Variants in ZMAT4 observed in about 807,000 individuals in gnomAD.
ZMAT4 encodes the protein zinc finger matrin-type protein 4.
ZMAT4 carries 17 observed loss-of-function variants against 28.7 expected under a neutral mutation model. That is an observed-to-expected ratio of 0.59 (90% CI 0.41 to 0.89). The LOEUF is 0.89. ZMAT4 is among the 40% of genes least tolerant of loss of function. ZMAT4 has a pLI of 0.00. For synonymous variants in ZMAT4, 117 were observed against 109.2 expected (o/e 1.07, Z -0.44); for missense variants, 240 against 283.8 (o/e 0.85, Z 1.11).
intron 5 of ZMAT4, among the ~76,000 whole-genome samples, chr8:40,639,625 AACACACACAC>A (rs60100252): frequency 1.3e-5 from 2 of 149,856 alleles, no homozygotes. Context: ...AGAAGGCAAG[AACACACACAC>A]ACACACACAC....
At chr8:40,776,506 G>T (rs1460473067) in intron 2 of ZMAT4, among the ~76,000 whole-genome samples, 1 of 152,162 alleles carries the variant, frequency 6.6e-6, no homozygotes, top group East Asian at 1.9e-4. Flanking sequence ...ACAGTTTTCT[G>T]TGGTGTTCAG....
At chr8:40,758,891 T>C (rs1283835856) in intron 3 of ZMAT4, among the ~76,000 whole-genome samples, 2 of 152,040 alleles carry the variant, frequency 1.3e-5, no homozygotes, top group African/African-American at 2.4e-5. Context: ...AAACAGAGAA[T>C]CAGTAATGCT....
intron 6 of ZMAT4, among the ~76,000 whole-genome samples, chr8:40,542,337 AAGC>A (rs1803062680): frequency 6.6e-6 from 1 of 152,040 alleles, no homozygotes; most frequent in South Asian, 2.1e-4. Flanking sequence ...GCGGTAGAAA[AAGC>A]AGTAATATGA....
At chr8:40,613,185 T>TC (rs1208977472) in intron 5 of ZMAT4, among the ~76,000 whole-genome samples, 2 of 134,688 alleles carry the variant, frequency 1.5e-5, no homozygotes, top group Non-Finnish European at 3.2e-5. Flanking sequence ...TCTTTCTTTT[T>TC]TTTTTTTTTT....
intron 6 of ZMAT4, among the ~76,000 whole-genome samples, chr8:40,546,840 T>C (rs1431916992): frequency 2.0e-5 from 3 of 152,116 alleles, no homozygotes; most frequent in Admixed American, 2.0e-4. Flanking sequence ...CTGCGATGGA[T>C]TGTGGCTCCT....
intron 6 of ZMAT4, among the ~76,000 whole-genome samples, chr8:40,541,980 C>T (rs1232262699): frequency 2.0e-5 from 3 of 152,132 alleles, no homozygotes; most frequent in Non-Finnish European, 4.4e-5. Context: ...CAAAGCTGGC[C>T]CTCGGGCAGA....
chr8:40,684,561 C>T (rs1201549534), intron 4 of ZMAT4, among the ~76,000 whole-genome samples: 19 of 152,190 alleles, frequency 1.2e-4, no homozygotes, highest in Admixed American at 1.2e-3. Context: ...CCAGTCTTCC[C>T]CAGACACCTA....
intron 3 of ZMAT4, among the ~76,000 whole-genome samples, chr8:40,729,847 T>G (rs1412784467): frequency 2.0e-5 from 3 of 152,212 alleles, no homozygotes; most frequent in African/African-American, 7.2e-5. Context: ...TCCGCCTGCC[T>G]TGGCCTCCCA....
At chr8:40,771,084 C>A (rs1446499694) in intron 2 of ZMAT4, among the ~76,000 whole-genome samples, 1 of 152,012 alleles carries the variant, frequency 6.6e-6, no homozygotes, top group Non-Finnish European at 1.5e-5. Flanking sequence ...GCAGATTTAA[C>A]AACAGAAGGC....
chr8:40,865,963 C>T (rs1817665154), intron 1 of ZMAT4, among the ~76,000 whole-genome samples: 1 of 152,236 alleles, frequency 6.6e-6, no homozygotes, highest in Non-Finnish European at 1.5e-5. Flanking sequence ...GACAAAGCCT[C>T]GGCCCCAGGA....
At chr8:40,897,630 CCACTGGCAATGGAGA>C (rs1431442784) in intron 1 of ZMAT4, 38 bp downstream of exon 1, 1 of 152,278 alleles carries the variant, frequency 6.6e-6, no homozygotes, top group African/African-American at 2.4e-5. Flanking sequence ...AACTGCAAAG[CCACTGGCAATGGAGA>C]CGCAGGCGCT....
At chr8:40,884,715 A>T (rs1278151344) in intron 1 of ZMAT4, 1 of 152,302 alleles carries the variant, frequency 6.6e-6, no homozygotes, top group African/African-American at 2.4e-5. Context: ...CCCAATCTCC[A>T]GGCTGCTCCT....
intron 3 of ZMAT4, among the ~76,000 whole-genome samples, chr8:40,758,154 G>C (rs1475628869): frequency 6.6e-6 from 1 of 152,086 alleles, no homozygotes; most frequent in Non-Finnish European, 1.5e-5. Context: ...GATCGTGTGA[G>C]TCAATATTCC....
At chr8:40,756,075 G>C (rs1288794594) in intron 3 of ZMAT4, among the ~76,000 whole-genome samples, 3 of 151,950 alleles carry the variant, frequency 2.0e-5, no homozygotes, top group Admixed American at 1.3e-4. Context: ...CCTCTCCTTG[G>C]GACCTTAAAC....
At chr8:40,849,232 G>A (rs1326970400) in intron 1 of ZMAT4, among the ~76,000 whole-genome samples, 5 of 152,196 alleles carry the variant, frequency 3.3e-5, no homozygotes, top group Admixed American at 2.6e-4. Context: ...CTCTGCACTG[G>A]CCTCAGGCCA....
chr8:40,768,421 T>C (rs760128301), intron 2 of ZMAT4, among the ~76,000 whole-genome samples: 1 of 152,212 alleles, frequency 6.6e-6, no homozygotes, highest in Non-Finnish European at 1.5e-5. Context: ...TGATGCCTTC[T>C]TTGTTCCCTA....
intron 5 of ZMAT4, among the ~76,000 whole-genome samples, chr8:40,588,775 C>G: frequency 6.6e-6 from 1 of 152,188 alleles, no homozygotes; most frequent in East Asian, 1.9e-4. Context: ...AGTAGAAATT[C>G]TACTCCTAGA....
At chr8:40,806,858 T>C (rs1311474308) in intron 2 of ZMAT4, among the ~76,000 whole-genome samples, 1 of 152,032 alleles carries the variant, frequency 6.6e-6, no homozygotes, top group African/African-American at 2.4e-5. Context: ...ACAGTGTAGA[T>C]GTTCAAAAAT....
intron 5 of ZMAT4, among the ~76,000 whole-genome samples, chr8:40,640,107 G>A (rs983126266): frequency 6.6e-6 from 1 of 152,124 alleles, no homozygotes; most frequent in Non-Finnish European, 1.5e-5. Context: ...CTCCTGGATA[G>A]CTTGGACTAC....
Sources: allele counts gnomAD v4.1 joint callset (sites outside exome capture counted in the v4.1 genomes callset), GRCh38; gene constraint gnomAD v4.1.1; transcripts MANE v1.5; gene names NCBI Gene and HGNC (gene_info 2026-07-23, HGNC 2026-07-21).